Variants in MARCHF1 observed in about 807,000 individuals in gnomAD.
MARCHF1 encodes membrane associated ring-CH-type finger 1.
MARCHF1 carries 40 observed loss-of-function variants against 54.2 expected under a neutral mutation model. That is an observed-to-expected ratio of 0.74 (90% confidence interval 0.57 to 0.96). The LOEUF is 0.96. Ranked by LOEUF, MARCHF1 falls within the 40% of genes least tolerant of loss-of-function variation. The probability of loss-of-function intolerance (pLI) is 0.00; values close to 1 mark genes in which losing one functional copy is unlikely to be tolerated. For synonymous variants in MARCHF1, 236 were observed against 236.3 expected, an observed-to-expected ratio of 1.00 and a Z score of 0.01; for missense variants, 586 against 656.5, an observed-to-expected ratio of 0.89 and a Z score of 1.17.
chr4:164,206,567 A>C (rs911692922), intron 1 of MARCHF1, among the ~76,000 whole-genome samples: 6 of 152,232 alleles, frequency 3.9e-5, no homozygotes, highest in African/African-American at 1.4e-4. Flanking sequence ...AATTAAAAGA[A>C]GCTTCAGTTT....
At chr4:164,142,812 G>C (rs1314138425) in intron 1 of MARCHF1, among the ~76,000 whole-genome samples, 1 of 152,164 alleles carries the variant, frequency 6.6e-6, no homozygotes, top group African/African-American at 2.4e-5. Context: ...ATGGAACAAA[G>C]CTGGACGGAG....
At chr4:164,076,915 T>C (rs1459983287) in intron 2 of MARCHF1, among the ~76,000 whole-genome samples, 1 of 152,176 alleles carries the variant, frequency 6.6e-6, no homozygotes, top group African/African-American at 2.4e-5. Flanking sequence ...TCCATGCTCA[T>C]GGATAGGAAG....
chr4:164,068,911 C>G (rs1231367946), intron 2 of MARCHF1, among the ~76,000 whole-genome samples: 1 of 151,976 alleles, frequency 6.6e-6, no homozygotes, highest in Non-Finnish European at 1.5e-5. Context: ...GGTTTGTAAA[C>G]ACACCAATCA....
intron 1 of MARCHF1, among the ~76,000 whole-genome samples, chr4:164,317,406 G>C (rs80341931): frequency 0.15 from 22,213 of 152,098 alleles, 2,488 homozygotes; most frequent in East Asian, 0.43. Context: ...CAGGTTCTGT[G>C]CAGCTCACCT....
In MARCHF1 at chr4:164,058,424, A is replaced by G. The variant is rs187373444; in HGVS notation, c.-248+53164T>C. Among the ~76,000 whole-genome samples the G allele has an allele frequency of 6.5e-3, 996 of 152,324 alleles. 16 individuals are homozygous for G. Among genetic ancestry groups the G allele is most frequent in the African/African-American group, 0.022 (918 of 41,558 alleles). ...AGATTGGGTAGAAGAACTCATACCC[A>G]AGTCTGGCTTTAGGGATTGTGACCA... On this transcript the variant is annotated intron_variant, in intron 2 of 9. Transcript: ENST00000514618.
chr4:163,524,558 G>A (rs1264211375), downstream of MARCHF1: 2 of 151,970 alleles, frequency 1.3e-5, no homozygotes, highest in African/African-American at 4.8e-5. Context: ...CTCTGTTTGT[G>A]TATTTATTTA....
chr4:164,006,704 A>G (rs1753295897), intron 2 of MARCHF1, among the ~76,000 whole-genome samples: 1 of 152,060 alleles, frequency 6.6e-6, no homozygotes, highest in Non-Finnish European at 1.5e-5. Flanking sequence ...TTTCAAGGAC[A>G]AAGAGAGGGT....
intron 1 of MARCHF1, among the ~76,000 whole-genome samples, chr4:164,312,653 TAA>T (rs1468747121): frequency 2.0e-5 from 3 of 152,110 alleles, no homozygotes; most frequent in Non-Finnish European, 4.4e-5. Context: ...CTTAACTATC[TAA>T]AATTGGAGAA....
intron 2 of MARCHF1, among the ~76,000 whole-genome samples, chr4:164,058,858 A>G (rs1754551577): frequency 1.3e-5 from 2 of 152,238 alleles, no homozygotes; most frequent in South Asian, 4.1e-4. Flanking sequence ...CCAATGAGTC[A>G]CAATGATGCC....
chr4:164,112,256 C>T, intron 1 of MARCHF1, among the ~76,000 whole-genome samples: 1 of 151,768 alleles, frequency 6.6e-6, no homozygotes, highest in Non-Finnish European at 1.5e-5. Context: ...CTCTATTATC[C>T]CTTTGTATAA....
chr4:164,225,506 G>A (rs1167509423), intron 1 of MARCHF1, among the ~76,000 whole-genome samples: 1 of 151,906 alleles, frequency 6.6e-6, no homozygotes, highest in Non-Finnish European at 1.5e-5. Flanking sequence ...TTGGAAAAAT[G>A]CACTGTAATA....
At chr4:163,997,762 T>G (rs566359547) in intron 2 of MARCHF1, among the ~76,000 whole-genome samples, 1 of 151,864 alleles carries the variant, frequency 6.6e-6, no homozygotes, top group East Asian at 1.9e-4. Flanking sequence ...GCAGAAACAC[T>G]GAAGAAAAAG....
At chr4:164,023,071 C>T (rs1035132953) in intron 2 of MARCHF1, among the ~76,000 whole-genome samples, 3 of 152,132 alleles carry the variant, frequency 2.0e-5, no homozygotes, top group Admixed American at 1.3e-4. Flanking sequence ...GTGGCCAGCA[C>T]TTGAGTTGGG....
Position 164,234,135 on chromosome 4 carries a change from T to G in MARCHF1, c.-322-122473A>C, listed in dbSNP as rs1401507780. Among the ~76,000 whole-genome samples, 10 of 152,260 alleles carry G rather than the reference T, an allele frequency of 6.6e-5. No individual in the cohort carries two copies. The East Asian group carries it at 1.5e-3, about 23-fold the overall frequency. On this transcript the variant is annotated intron_variant, in intron 1 of 9. Coordinates refer to ENST00000514618, the MANE Select transcript of MARCHF1 (RefSeq NM_001394959.1). ...ACCTCTGGGAAAGTCACAATGGAAT[T>G]GCTACCTATCTAAAATTACTATGAA...
intron 1 of MARCHF1, among the ~76,000 whole-genome samples, chr4:164,126,780 T>C (rs973388400): frequency 6.6e-6 from 1 of 152,106 alleles, no homozygotes; most frequent in African/African-American, 2.4e-5. Context: ...AAATGAGGAC[T>C]GCGCAGTGGC....
At chr4:163,818,071 C>A (rs901366786) in intron 4 of MARCHF1, among the ~76,000 whole-genome samples, 1 of 151,172 alleles carries the variant, frequency 6.6e-6, no homozygotes, top group Non-Finnish European at 1.5e-5. Flanking sequence ...TGTAACTAAC[C>A]TGCACATTGT....
intron 2 of MARCHF1, among the ~76,000 whole-genome samples, chr4:164,015,211 G>A (rs142168868): frequency 1.3e-5 from 2 of 152,106 alleles, no homozygotes; most frequent in African/African-American, 4.8e-5. Flanking sequence ...GTAAAGCACA[G>A]TATCTCCAAT....
At chr4:164,213,848 G>T (rs1009461898) in intron 1 of MARCHF1, among the ~76,000 whole-genome samples, 1 of 151,828 alleles carries the variant, frequency 6.6e-6, no homozygotes, top group African/African-American at 2.4e-5. Flanking sequence ...TTTGGAGTTT[G>T]AAACTTCAGG....
chr4:163,756,515 C>T (rs1307086130), intron 4 of MARCHF1, among the ~76,000 whole-genome samples: 1 of 151,212 alleles, frequency 6.6e-6, no homozygotes, highest in African/African-American at 2.4e-5. Context: ...TGCCTGTAGT[C>T]CCAGCTACTA....
Sources: allele counts gnomAD v4.1 joint callset (sites outside exome capture counted in the v4.1 genomes callset), GRCh38; gene constraint gnomAD v4.1.1; transcripts MANE v1.5; gene names NCBI Gene and HGNC (gene_info 2026-07-23, HGNC 2026-07-21).